Variants in RAD51B observed in about 807,000 individuals in gnomAD.
RAD51B encodes RAD51 paralog B.
RAD51B carries 38 observed loss-of-function variants against 42.2 expected under a neutral mutation model. That is an observed-to-expected ratio of 0.90 (90% CI 0.70 to 1.18). The LOEUF (loss-of-function observed/expected upper bound fraction) is 1.18. Among genes scored for constraint, RAD51B ranks in the 50% most tolerant of loss-of-function variants. RAD51B has a pLI of 0.00. For synonymous variants in RAD51B, 154 were observed against 145.2 expected (o/e 1.06, Z -0.43); for missense variants, 373 against 400.7 (o/e 0.93, Z 0.59).
intron 11 of RAD51B, among the ~76,000 whole-genome samples, chr14:68,681,070 G>A (rs1893420312): frequency 6.6e-6 from 1 of 152,108 alleles, no homozygotes; most frequent in African/African-American, 2.4e-5. Flanking sequence ...CTGGAATCAG[G>A]ATGCAGGGTT....
At position 68,117,864 on chromosome 14, in the gene RAD51B, A is replaced by G. The variant is rs145369568; in HGVS notation, c.757-174020A>G. Among the ~76,000 whole-genome samples the G allele has an allele frequency of 1.2e-3, 186 of 152,314 alleles. 1 individual carries two copies. The highest frequency in any genetic ancestry group is 4.3e-3 in the African/African-American group (180 of 41,570). ...AATCCAACGATGCTGTCATTGCAAG[A>G]AATATTTTTAGAACTTGTCCTTTCG... is the stretch of plus-strand genomic sequence containing the variant. On this transcript the variant is annotated intron_variant, in intron 7 of 10. Transcript: ENST00000471583.
chr14:67,965,397 C>CT (rs113934853), intron 7 of RAD51B, among the ~76,000 whole-genome samples: 49,683 of 151,988 alleles, frequency 0.33, 11,553 homozygotes, highest in African/African-American at 0.66. Flanking sequence ...CATTTCAGTT[C>CT]TTGGAGAGCT....
chr14:68,546,820 A>T lies in RAD51B; in HGVS notation c.1037-47665A>T, dbSNP rs796565577. Among the ~76,000 whole-genome samples the T allele has an allele frequency of 5.3e-5, 8 of 152,200 alleles. 1 individual carries two copies. The highest frequency in any genetic ancestry group is 1.9e-4 in the African/African-American group (8 of 41,530). On this transcript the variant is annotated intron_variant, in intron 10 of 10. Coordinates refer to the RAD51B transcript ENST00000487270. The stretch of plus-strand genomic sequence containing the variant: ...TAGGACAGGGCAGAGGTCAGTGGGA[A>T]TGGGAGCTGTTATCTTGGGCGACCA...
chr14:68,204,849 A>G (rs559540924), intron 7 of RAD51B, among the ~76,000 whole-genome samples: 10 of 152,346 alleles, frequency 6.6e-5, no homozygotes, highest in Admixed American at 2.0e-4. Flanking sequence ...TCTTTCAAGT[A>G]TACACTGTAT....
At chr14:67,942,686 G>A (rs1274731859) in intron 7 of RAD51B, among the ~76,000 whole-genome samples, 1 of 152,168 alleles carries the variant, frequency 6.6e-6, no homozygotes, top group African/African-American at 2.4e-5. Context: ...AAGTTACAAA[G>A]CCTGCCAAAT....
At chr14:68,272,635 T>TTATATATATATATTTATATA (rs1195340238) in intron 7 of RAD51B, among the ~76,000 whole-genome samples, 1 of 19,852 alleles carries the variant, frequency 5.0e-5, no homozygotes, top group African/African-American at 2.1e-4. Context: ...TATAAACACT[T>TTATATATATATATTTATATA]TATATATATA....
At chr14:68,551,342 G>A (rs777342023) in intron 10 of RAD51B, among the ~76,000 whole-genome samples, 50 of 152,176 alleles carry the variant, frequency 3.3e-4, no homozygotes, top group African/African-American at 6.8e-4. Context: ...CCCAAGTCGC[G>A]TCCCTCGCAG....
chr14:68,577,938 G>C (rs963103535), intron 10 of RAD51B, among the ~76,000 whole-genome samples: 4 of 152,186 alleles, frequency 2.6e-5, no homozygotes, highest in African/African-American at 9.7e-5. Flanking sequence ...CTGCTTTATA[G>C]GATTTCATGC....
At chr14:68,302,343 T>G (rs576341917) in intron 8 of RAD51B, among the ~76,000 whole-genome samples, 18 of 152,288 alleles carry the variant, frequency 1.2e-4, no homozygotes, top group African/African-American at 4.1e-4. Flanking sequence ...GGGATGTTTT[T>G]GGGGAACAGA....
chr14:67,913,478 T>A (rs114539627), intron 7 of RAD51B, among the ~76,000 whole-genome samples: 7 of 152,342 alleles, frequency 4.6e-5, no homozygotes, highest in African/African-American at 1.7e-4. Context: ...TTTCATTGTG[T>A]TGACATTTGC....
intron 10 of RAD51B, among the ~76,000 whole-genome samples, chr14:68,628,187 AG>A (rs1250755304): frequency 6.6e-6 from 1 of 152,204 alleles, no homozygotes; most frequent in East Asian, 1.9e-4. Context: ...TGGGTTCTCA[AG>A]TGGTGTATCA....
At chr14:67,886,073 AG>A in intron 6 of RAD51B, 85 bp downstream of exon 6, 1 of 1,174,318 alleles carries the variant, frequency 8.5e-7, no homozygotes, top group Non-Finnish European at 1.2e-6. Flanking sequence ...AAGTGAAAAA[AG>A]TCTTTATAGG....
chr14:68,289,591 G>A (rs1395874452), intron 7 of RAD51B, among the ~76,000 whole-genome samples: 2 of 152,116 alleles, frequency 1.3e-5, no homozygotes, highest in African/African-American at 2.4e-5. Flanking sequence ...GCACAAGCCT[G>A]TAGTCCCAGC....
At chr14:68,333,809 A>G (rs2082394491) in intron 8 of RAD51B, among the ~76,000 whole-genome samples, 4 of 152,106 alleles carry the variant, frequency 2.6e-5, no homozygotes, top group Non-Finnish European at 4.4e-5. Context: ...CACTCTCTAC[A>G]TTTTTCAAGA....
chr14:68,372,966 C>T (rs1030468185), intron 8 of RAD51B, among the ~76,000 whole-genome samples: 3 of 152,180 alleles, frequency 2.0e-5, no homozygotes, highest in African/African-American at 7.2e-5. Context: ...ATGAAAGAAG[C>T]ATAGTATGGA....
At chr14:68,275,537 C>T (rs1482858121) in intron 7 of RAD51B, among the ~76,000 whole-genome samples, 1 of 152,100 alleles carries the variant, frequency 6.6e-6, no homozygotes, top group African/African-American at 2.4e-5. Context: ...CCAGTGGGGT[C>T]TCTCCTGCCT....
chr14:68,309,485 G>C (rs576780682), intron 8 of RAD51B, among the ~76,000 whole-genome samples: 1 of 152,282 alleles, frequency 6.6e-6, no homozygotes, highest in South Asian at 2.1e-4. Context: ...CGGAGAGGTA[G>C]AGAAAAGTGA....
intron 7 of RAD51B, among the ~76,000 whole-genome samples, chr14:68,114,710 T>C (rs2077511817): frequency 6.6e-6 from 1 of 152,174 alleles, no homozygotes; most frequent in African/African-American, 2.4e-5. Flanking sequence ...GTCTTTAATA[T>C]TTCATTTTTA....
intron 7 of RAD51B, among the ~76,000 whole-genome samples, chr14:68,001,722 A>T (rs184586875): frequency 1.3e-5 from 2 of 151,950 alleles, no homozygotes; most frequent in South Asian, 4.2e-4. Flanking sequence ...CCAAGGCCCC[A>T]CTATGTATTG....
Sources: gnomAD v4.1 joint callset for allele counts (sites outside exome capture counted in the v4.1 genomes callset) on GRCh38, gnomAD v4.1.1 for gene constraint, MANE v1.5 for transcripts, NCBI Gene and HGNC (gene_info 2026-07-23, HGNC 2026-07-21) for gene names.